LINGO2: variants seen among roughly 807,000 people sequenced by gnomAD.
LINGO2 encodes the protein leucine rich repeat and Ig domain containing 2.
Under a neutral mutation model 30.6 loss-of-function variants are expected in LINGO2, and 14 were observed. The ratio of observed to expected loss-of-function variants is 0.46; its 90% CI spans 0.30 to 0.72. The LOEUF (loss-of-function observed/expected upper bound fraction) is 0.72, where lower values mean the gene tolerates loss of function less well. Among genes scored for constraint, LINGO2 ranks in the 30% least tolerant of loss-of-function variants. The probability of loss-of-function intolerance (pLI) is 0.07; values close to 1 mark genes in which losing one functional copy is unlikely to be tolerated. For synonymous variants in LINGO2, 317 were observed against 288.5 expected (o/e 1.10, Z -1.00); for missense variants, 729 against 751.7 (o/e 0.97, Z 0.35).
At position 28,347,971 on chromosome 9, in the gene LINGO2, T is replaced by G. The variant is rs577884480; in HGVS notation, c.-246+24865A>C. ...AAATATCCCATTAAAAAGATTTGGA[T>G]GTAAAGAATGTCACTTATTTTCAAC... On this transcript the variant is annotated intron_variant, in intron 3 of 5. Transcript: ENST00000379992. Among the ~76,000 whole-genome samples the G allele has an allele frequency of 3.1e-4, 47 of 152,304 alleles. No homozygotes were observed. The South Asian group carries it at 8.3e-3, about 27-fold the overall frequency.
At chr9:28,159,882 G>A (rs7852107) in intron 4 of LINGO2, among the ~76,000 whole-genome samples, 8 of 152,256 alleles carry the variant, frequency 5.3e-5, no homozygotes, top group Admixed American at 5.2e-4. Context: ...CCCACAGGTA[G>A]AGAGTAATTG....
At chr9:29,118,113 G>A in the LINGO2 span, among the ~76,000 whole-genome samples, 1 of 152,114 alleles carries the variant, frequency 6.6e-6, no homozygotes, top group Non-Finnish European at 1.5e-5. Flanking sequence ...CCTCTTACTG[G>A]TAGAAGAGAT....
At chr9:28,343,309 C>T (rs190946828) in intron 3 of LINGO2, among the ~76,000 whole-genome samples, 33 of 152,208 alleles carry the variant, frequency 2.2e-4, no homozygotes, top group African/African-American at 2.9e-4. Flanking sequence ...GATAAACACA[C>T]GCAAACATAC....
At chr9:28,619,170 TTGAA>T (rs1253413201) in intron 1 of LINGO2, among the ~76,000 whole-genome samples, 1 of 152,206 alleles carries the variant, frequency 6.6e-6, no homozygotes, top group African/African-American at 2.4e-5. Flanking sequence ...GAATGAATTA[TTGAA>T]TGAATGATGT....
chr9:29,081,227 C>T, the LINGO2 span, among the ~76,000 whole-genome samples: 1 of 152,060 alleles, frequency 6.6e-6, no homozygotes, highest in Admixed American at 6.6e-5. Context: ...GCTTATCCAC[C>T]ATGATCAAGT....
chr9:28,939,428 T>C, the LINGO2 span, among the ~76,000 whole-genome samples: 1,380 of 152,304 alleles, frequency 9.1e-3, 19 homozygotes, highest in African/African-American at 0.032. Context: ...TTCAGCTGCC[T>C]CATTTTTTCA....
chr9:28,078,571 C>G (rs1825689134), intron 4 of LINGO2, among the ~76,000 whole-genome samples: 1 of 148,466 alleles, frequency 6.7e-6, no homozygotes, highest in African/African-American at 2.6e-5. Flanking sequence ...CTAGACTCTG[C>G]CGGGCGTGGT....
At chr9:28,522,877 A>T (rs1358032535) in intron 1 of LINGO2, among the ~76,000 whole-genome samples, 1 of 151,938 alleles carries the variant, frequency 6.6e-6, no homozygotes, top group African/African-American at 2.4e-5. Context: ...AGGAACCTGT[A>T]GAAATCAGAA....
chr9:28,789,749 G>A, the LINGO2 span, among the ~76,000 whole-genome samples: 4 of 152,312 alleles, frequency 2.6e-5, no homozygotes, highest in African/African-American at 9.6e-5. Flanking sequence ...AGAGAGGTGA[G>A]AAAGCATCCA....
At chr9:28,204,100 G>A (rs765132815) in intron 4 of LINGO2, among the ~76,000 whole-genome samples, 1 of 152,050 alleles carries the variant, frequency 6.6e-6, no homozygotes. Flanking sequence ...CTGGATTCTG[G>A]GATACCCAAA....
the LINGO2 span, among the ~76,000 whole-genome samples, chr9:29,038,327 G>A: frequency 3.9e-5 from 6 of 152,016 alleles, no homozygotes; most frequent in Admixed American, 6.6e-5. Context: ...AGTTTAATAC[G>A]CATTTCACTG....
At chr9:28,769,510 ATATATATATTTTTTTTTTTTTTT>A in the LINGO2 span, among the ~76,000 whole-genome samples, 109 of 2,398 alleles carry the variant, frequency 0.045, 10 homozygotes, top group South Asian at 0.1. Context: ...ATATATATAT[ATATATATATTTTTTTTTTTTTTT>A]TTTTTTTTTT....
chr9:28,229,505 T>C (rs12345125), intron 4 of LINGO2, among the ~76,000 whole-genome samples: 1,891 of 151,648 alleles, frequency 0.012, 39 homozygotes, highest in African/African-American at 0.044. Flanking sequence ...TAAAGGACCC[T>C]CCCTATCATC....
At chr9:28,045,899 G>A (rs1373667840) in intron 4 of LINGO2, among the ~76,000 whole-genome samples, 1 of 152,066 alleles carries the variant, frequency 6.6e-6, no homozygotes, top group East Asian at 1.9e-4. Flanking sequence ...CACCTCCTGA[G>A]GATTTCAATT....
At chr9:28,094,669 G>A (rs1017570578) in intron 4 of LINGO2, among the ~76,000 whole-genome samples, 1 of 151,824 alleles carries the variant, frequency 6.6e-6, no homozygotes, top group Non-Finnish European at 1.5e-5. Context: ...TTTTTCCATT[G>A]AGCAAATACT....
chr9:28,802,789 G>T, the LINGO2 span, among the ~76,000 whole-genome samples: 2 of 152,174 alleles, frequency 1.3e-5, no homozygotes, highest in Admixed American at 1.3e-4. Context: ...GACGGGGCTT[G>T]TATCTCCTCT....
chr9:28,707,272 G>A, the LINGO2 span, among the ~76,000 whole-genome samples: 3,500 of 152,134 alleles, frequency 0.023, 140 homozygotes, highest in African/African-American at 0.077. Flanking sequence ...TCATACATAT[G>A]GCTGGGAATA....
At chr9:28,827,418 T>C in the LINGO2 span, among the ~76,000 whole-genome samples, 2 of 152,220 alleles carry the variant, frequency 1.3e-5, no homozygotes, top group African/African-American at 4.8e-5. Flanking sequence ...TAAGTAATTA[T>C]GAGTTATAAA....
intron 2 of LINGO2, among the ~76,000 whole-genome samples, chr9:28,454,891 A>C (rs1447039224): frequency 1.3e-5 from 2 of 152,082 alleles, no homozygotes; most frequent in Admixed American, 6.6e-5. Context: ...GTTAACAAAA[A>C]AATACTACTT....
Sources: allele counts gnomAD v4.1 joint callset (sites outside exome capture counted in the v4.1 genomes callset), GRCh38; gene constraint gnomAD v4.1.1; transcripts MANE v1.5; gene names NCBI Gene and HGNC (gene_info 2026-07-23, HGNC 2026-07-21).